Variants in ACSM2B observed in about 807,000 individuals in gnomAD.
The protein encoded by ACSM2B is acyl-CoA synthetase medium chain family member 2B, also known as acyl-coenzyme A synthetase ACSM2B, mitochondrial.
ACSM2B carries 58 observed loss-of-function variants against 78.6 expected under a neutral mutation model. The observed-to-expected ratio is 0.74, with a 90% CI of 0.60 to 0.92. The LOEUF (loss-of-function observed/expected upper bound fraction) is 0.92, where lower values mean the gene tolerates loss of function less well. Ranked by LOEUF, ACSM2B falls within the 40% of genes least tolerant of loss-of-function variation. The probability of loss-of-function intolerance (pLI) is 0.00; values close to 1 mark genes in which losing one functional copy is unlikely to be tolerated. For synonymous variants in ACSM2B, 257 were observed against 256.8 expected, an observed-to-expected ratio of 1.00 and a Z score of -0.01; for missense variants, 688 against 711.2, an observed-to-expected ratio of 0.97 and a Z score of 0.37.
chr16:20,547,390 C>T, intron 8 of ACSM2B: 4 of 985,188 alleles, frequency 4.1e-6, no homozygotes, highest in Non-Finnish European at 4.8e-6. Context: ...ACCAAGGGTA[C>T]TCATTAGCTA....
At chr16:20,573,346 C>T (rs2016146578) in intron 1 of ACSM2B, among the ~76,000 whole-genome samples, 1 of 150,422 alleles carries the variant, frequency 6.6e-6, no homozygotes, top group African/African-American at 2.5e-5. Flanking sequence ...CATTATCTTG[C>T]TTGGCAACTG....
chr16:20,549,765 A>T (rs186547271), intron 6 of ACSM2B: 5,068 of 450,850 alleles, frequency 0.011, 44 homozygotes, highest in Non-Finnish European at 0.018. Context: ...AAACACATTT[A>T]AAAAATACAT....
intron 1 of ACSM2B, among the ~76,000 whole-genome samples, chr16:20,566,927 T>A: frequency 7.7e-6 from 1 of 130,606 alleles, no homozygotes; most frequent in East Asian, 2.1e-4. Context: ...TATATATATC[T>A]GTACATACCA....
intron 2 of ACSM2B, among the ~76,000 whole-genome samples, chr16:20,562,669 G>C (rs2015699085): frequency 6.6e-6 from 1 of 152,228 alleles, no homozygotes; most frequent in Middle Eastern, 3.4e-3. Context: ...TTAGAATTAT[G>C]GTAGATGGTA....
At chr16:20,551,688 G>A (rs2015314869) in intron 6 of ACSM2B, among the ~76,000 whole-genome samples, 1 of 152,054 alleles carries the variant, frequency 6.6e-6, no homozygotes, top group Non-Finnish European at 1.5e-5. Flanking sequence ...GTACACATAG[G>A]ATGGTGGCAC....
chr16:20,555,274 T>A lies in ACSM2B; in HGVS notation c.591A>T (p.Leu197=), dbSNP rs774704545. 1 of 1,613,980 alleles carries A rather than the reference T, an allele frequency of 6.2e-7. No homozygotes were observed. Among genetic ancestry groups the A allele is most frequent in the East Asian group, 2.2e-5 (1 of 44,874 alleles). Residue 197 remains leucine (L), a synonymous_variant, in exon 4 of 14, where the codon CTA becomes CTT. Coordinates refer to ENST00000329697, the MANE Select transcript of ACSM2B (RefSeq NM_001105069.2). ...SCDGWLNFKK[L]LNEASTTHHC... is the part of the protein sequence containing the mutation. ...TGAGACATGTAGATACTCACTTTAG[T>A]AGTTTCTTGAAGTTCAGCCACCCAT... is the stretch of plus-strand genomic sequence containing the variant.
In ACSM2B at chr16:20,545,054, T is replaced by C. The variant is rs1020506542; in HGVS notation, c.1281+103A>G. On this transcript the variant is annotated intron_variant, in intron 10 of 13. Transcript: ENST00000329697. ...GAAAACTGGACACTCTTTGTCTCCA[T>C]ATCTAATGCCTCTTGGAAGTTTCAG... 3.2e-4 allele frequency: 450 copies of C among 1,425,506 alleles called. 1 individual carries two copies. In the African/African-American group the frequency reaches 3.2e-3, roughly 10 times the overall value. 88.3% of individuals were successfully genotyped at this position (1,425,506 alleles called of 1,614,324 possible).
rs769054096 is a variant in ACSM2B, at chr16:20,555,471, T to C, written c.394A>G (p.Ile132Val). 3.1e-6 allele frequency: 5 copies of C among 1,612,628 alleles called. No homozygotes were observed. Among genetic ancestry groups the C allele is most frequent in the Non-Finnish European group, 4.2e-6 (5 of 1,178,894 alleles). The change falls in exon 4 of 14, where the codon ATC becomes GTC. Residue 132 changes from isoleucine (I) to valine (V), a missense_variant. Physicochemically the swap from Ile to Val is conservative, Grantham distance 29. Transcript: ENST00000329697. ...VILGCIRAGL[I>V]FMPGTIQMKS... The stretch of plus-strand genomic sequence containing the variant: ...ATCTGGATGGTTCCAGGCATAAAGA[T>C]GAGACCTAAAGAAGCCAACAATTTA...
chr16:20,548,669 G>T (rs557876652), intron 6 of ACSM2B, among the ~76,000 whole-genome samples, 196 bp from the exon 7 acceptor site: 6 of 152,194 alleles, frequency 3.9e-5, no homozygotes, highest in Non-Finnish European at 8.8e-5. Flanking sequence ...ACAGGGAAAT[G>T]AGTACATATT....
intron 1 of ACSM2B, among the ~76,000 whole-genome samples, chr16:20,566,709 G>C (rs758517299): frequency 0.037 from 625 of 16,860 alleles, 80 homozygotes; most frequent in East Asian, 0.11. Context: ...TATATATATA[G>C]TATATATAGT....
chr16:20,547,555 A>G (rs2015176715), intron 8 of ACSM2B: 1 of 981,710 alleles, frequency 1.0e-6, no homozygotes, highest in African/African-American at 1.8e-5. Context: ...ATAAATCCAC[A>G]TTGTGCACAT....
At chr16:20,544,643 G>A in intron 10 of ACSM2B, 1 of 985,076 alleles carries the variant, frequency 1.0e-6, no homozygotes, top group Non-Finnish European at 1.2e-6. Flanking sequence ...AGCAAGTCTT[G>A]TAATCTCTGG....
At chr16:20,549,204 C>G (rs1453171381) in intron 6 of ACSM2B, among the ~76,000 whole-genome samples, 1 of 152,162 alleles carries the variant, frequency 6.6e-6, no homozygotes, top group Non-Finnish European at 1.5e-5. Context: ...CCATCCCATG[C>G]TTTTCTTTAT....
intron 10 of ACSM2B, among the ~76,000 whole-genome samples, 154 bp from the exon 11 acceptor site, chr16:20,543,416 T>C (rs1053141822): frequency 5.3e-5 from 8 of 152,252 alleles, no homozygotes; most frequent in African/African-American, 1.9e-4. Context: ...CAGCCAACCC[T>C]AGGCCACAGG....
intron 6 of ACSM2B, among the ~76,000 whole-genome samples, chr16:20,550,457 C>T (rs1360838448): frequency 6.6e-6 from 1 of 152,064 alleles, no homozygotes; most frequent in African/African-American, 2.4e-5. Flanking sequence ...CCTATATTTT[C>T]CTAATGGGCT....
At chr16:20,564,411 T>G (rs1475952691) in intron 2 of ACSM2B, among the ~76,000 whole-genome samples, 2 of 152,154 alleles carry the variant, frequency 1.3e-5, no homozygotes, top group Non-Finnish European at 2.9e-5. Flanking sequence ...ATGTGCAGTC[T>G]ACATACAGTG....
Position 20,537,096 on chromosome 16 carries a change from A to G in ACSM2B, c.*162T>C, listed in dbSNP as rs192062443. On this transcript the variant is annotated 3_prime_UTR_variant, in exon 14 of 14. Coordinates refer to ENST00000329697, the MANE Select transcript of ACSM2B (RefSeq NM_001105069.2). ...CTCATTCCTTCCCTTTCTTATTTCA[A>G]TATCTAACATAGTAATGTTTTGTGC... is the stretch of plus-strand genomic sequence containing the variant. 2.2e-4 allele frequency: 170 copies of G among 783,938 alleles called. No homozygotes were observed. Among genetic ancestry groups the G allele is most frequent in the South Asian group, 7.2e-4 (33 of 45,978 alleles). The allele number at this position is 783,938 out of a possible 1,614,324, so 48.6% of individuals were successfully genotyped here.
At chr16:20,566,507 A>T (rs2015850604) in intron 1 of ACSM2B, among the ~76,000 whole-genome samples, 1 of 115,048 alleles carries the variant, frequency 8.7e-6, no homozygotes, top group Non-Finnish European at 1.7e-5. Context: ...TACTATATCT[A>T]TATATTATAT....
intron 13 of ACSM2B, among the ~76,000 whole-genome samples, chr16:20,539,244 C>G (rs374573759): frequency 3.0e-5 from 4 of 133,238 alleles, no homozygotes; most frequent in African/African-American, 8.5e-5. Context: ...CCTAATAAGC[C>G]TCTTGCGTGG....
Sources: gnomAD v4.1 joint callset for allele counts (sites outside exome capture counted in the v4.1 genomes callset) on GRCh38, gnomAD v4.1.1 for gene constraint, MANE v1.5 for transcripts, NCBI Gene and HGNC (gene_info 2026-07-23, HGNC 2026-07-21) for gene names.